Variants in HS1BP3 observed in about 807,000 individuals in gnomAD.
HS1BP3 encodes the protein HCLS1 binding protein 3, also known as HCLS1-binding protein 3.
HS1BP3 carries 32 observed loss-of-function variants against 33.5 expected under a neutral mutation model. That is an observed-to-expected ratio of 0.95 (90% CI 0.72 to 1.28). The LOEUF is 1.28. Among genes scored for constraint, HS1BP3 ranks in the 50% most tolerant of loss-of-function variants. The pLI, the probability that HS1BP3 is intolerant of heterozygous loss-of-function variation, is 0.00. For synonymous variants in HS1BP3, 187 were observed against 209.2 expected, an observed-to-expected ratio of 0.89 and a Z score of 0.92; for missense variants, 486 against 502.3, an observed-to-expected ratio of 0.97 and a Z score of 0.31.
At chr2:20,625,708 T>A (rs1393966320) in intron 4 of HS1BP3, among the ~76,000 whole-genome samples, 1 of 151,650 alleles carries the variant, frequency 6.6e-6, no homozygotes, top group Non-Finnish European at 1.5e-5. Flanking sequence ...GCTGAGGAGG[T>A]CCTGCTCTGG....
At chr2:20,595,840 T>C (rs1693931278) in intron 3 of HS1BP3, among the ~76,000 whole-genome samples, 1 of 152,156 alleles carries the variant, frequency 6.6e-6, no homozygotes, top group South Asian at 2.1e-4. Flanking sequence ...GCAGGCCTCT[T>C]GGGGCCCCTG....
chr2:20,555,309 C>T, the HS1BP3 span, among the ~76,000 whole-genome samples: 3 of 152,248 alleles, frequency 2.0e-5, no homozygotes, highest in African/African-American at 7.2e-5. Context: ...AACTATAGGA[C>T]TGTAGGCAGT....
At chr2:20,604,795 A>G (rs1280270548) in intron 2 of HS1BP3, among the ~76,000 whole-genome samples, 1 of 152,220 alleles carries the variant, frequency 6.6e-6, no homozygotes, top group East Asian at 1.9e-4. Context: ...AGATGCTTCC[A>G]TCCCATCCCC....
chr2:20,598,227 G>C, exon 3 of HS1BP3: 1 of 415,738 alleles, frequency 2.4e-6, no homozygotes, highest in Middle Eastern at 3.6e-4. Flanking sequence ...GAATCAGTGG[G>C]AGCCCTGAGC....
chr2:20,560,781 AC>A (rs1692972525), intron 5 of HS1BP3, among the ~76,000 whole-genome samples: 1 of 152,100 alleles, frequency 6.6e-6, no homozygotes, highest in African/African-American at 2.4e-5. Context: ...ATGGCCTCCG[AC>A]TGCAGGCAGG....
chr2:20,595,916 C>T (rs111826822), intron 3 of HS1BP3, among the ~76,000 whole-genome samples: 1 of 152,210 alleles, frequency 6.6e-6, no homozygotes, highest in Admixed American at 6.5e-5. Flanking sequence ...CCAACAAGAG[C>T]TTCCCGCATG....
At chr2:20,594,609 C>T (rs1693903424) in intron 3 of HS1BP3, among the ~76,000 whole-genome samples, 1 of 152,184 alleles carries the variant, frequency 6.6e-6, no homozygotes, top group South Asian at 2.1e-4. Context: ...ACAAGGCCAG[C>T]CTCTAGCTGG....
chr2:20,620,204 T>C (rs922750682), intron 6 of HS1BP3, among the ~76,000 whole-genome samples: 1 of 152,214 alleles, frequency 6.6e-6, no homozygotes, highest in African/African-American at 2.4e-5. Flanking sequence ...CATTAACCCA[T>C]TCAATAATCT....
the HS1BP3 span, among the ~76,000 whole-genome samples, chr2:20,555,269 C>A: frequency 2.1e-3 from 315 of 152,304 alleles, 2 homozygotes; most frequent in African/African-American, 7.2e-3. Flanking sequence ...GGGTCCACGG[C>A]TTAAGAGGCC....
Position 20,618,744 on chromosome 2 carries a change from G to A in HS1BP3, c.*243C>T. The A allele has an allele frequency of 7.6e-7, 1 of 1,312,800 alleles. No individual in the cohort carries two copies. The highest frequency in any genetic ancestry group is 2.4e-5 in the South Asian group (1 of 41,634). 81.3% of individuals were successfully genotyped at this position (1,312,800 alleles called of 1,614,324 possible). A position where few individuals can be genotyped will look rare whatever the true frequency, so the allele number is the denominator to read the frequency against. ...CCCTCCCTCCCCTTCATGTCCACGG[G>A]GAATAAGACACATTGGGCTCTGGCT... On this transcript the variant is annotated 3_prime_UTR_variant, in exon 7 of 7. Transcript: ENST00000304031.
intron 5 of HS1BP3, among the ~76,000 whole-genome samples, chr2:20,562,464 G>A (rs929348323): frequency 9.8e-5 from 15 of 152,314 alleles, no homozygotes; most frequent in Non-Finnish European, 1.9e-4. Flanking sequence ...GGGCGACAGA[G>A]TGAGACCTTG....
At chr2:20,627,390 C>T (rs1187537840) in intron 4 of HS1BP3, among the ~76,000 whole-genome samples, 1 of 152,228 alleles carries the variant, frequency 6.6e-6, no homozygotes, top group East Asian at 1.9e-4. Context: ...TTTGCATTGA[C>T]CAGAAATCAG....
chr2:20,647,920 A>G (rs1558353891), intron 1 of HS1BP3, among the ~76,000 whole-genome samples: 1 of 152,256 alleles, frequency 6.6e-6, no homozygotes, highest in East Asian at 1.9e-4. Flanking sequence ...TGATGTGGAC[A>G]CTGCTGTGTA....
At chr2:20,628,736 G>A (rs1694872839) in intron 4 of HS1BP3, among the ~76,000 whole-genome samples, 2 of 152,214 alleles carry the variant, frequency 1.3e-5, no homozygotes, top group South Asian at 4.1e-4. Context: ...GCTCAGGGAG[G>A]ACTTCTTGGA....
chr2:20,610,149 G>C (rs1233797639), intron 2 of HS1BP3, among the ~76,000 whole-genome samples: 3 of 152,008 alleles, frequency 2.0e-5, no homozygotes, highest in East Asian at 1.9e-4. Flanking sequence ...GCACAGCCTC[G>C]CCCACCAGCA....
intron 4 of HS1BP3, among the ~76,000 whole-genome samples, chr2:20,626,913 G>A (rs1468555344): frequency 8.5e-5 from 13 of 152,286 alleles, no homozygotes; most frequent in Middle Eastern, 3.4e-3. Flanking sequence ...GAGCCAGCTC[G>A]GCTCTCATGA....
chr2:20,606,745 C>A, intron 2 of HS1BP3: 1 of 211,866 alleles, frequency 4.7e-6, no homozygotes, highest in Non-Finnish European at 9.6e-6. Context: ...GTTTGTTGTC[C>A]TTTGTATATT....
chr2:20,609,787 A>G (rs1694279506), intron 2 of HS1BP3, among the ~76,000 whole-genome samples: 1 of 152,154 alleles, frequency 6.6e-6, no homozygotes, highest in African/African-American at 2.4e-5. Flanking sequence ...CTGACCCCTC[A>G]TTGCTCCAGA....
intron 2 of HS1BP3, among the ~76,000 whole-genome samples, chr2:20,642,062 C>T (rs542631141): frequency 6.6e-6 from 1 of 152,364 alleles, no homozygotes; most frequent in East Asian, 1.9e-4. Flanking sequence ...CTATCACCTG[C>T]TGTATGCACA....
Sources: gnomAD v4.1 joint callset for allele counts (sites outside exome capture counted in the v4.1 genomes callset) on GRCh38, gnomAD v4.1.1 for gene constraint, MANE v1.5 for transcripts, NCBI Gene and HGNC (gene_info 2026-07-23, HGNC 2026-07-21) for gene names.